TRAK2: variants seen among roughly 807,000 people sequenced by gnomAD.
The protein encoded by TRAK2 is trafficking kinesin-binding protein 2.
TRAK2 carries 81 observed loss-of-function variants against 104.6 expected under a neutral mutation model. The ratio of observed to expected loss-of-function variants is 0.77; its 90% confidence interval spans 0.65 to 0.93. The LOEUF (loss-of-function observed/expected upper bound fraction) is 0.93. Among genes scored for constraint, TRAK2 ranks in the 40% least tolerant of loss-of-function variants. The pLI, the probability that TRAK2 is intolerant of heterozygous loss-of-function variation, is 0.00. For missense variants in TRAK2, 1,002 were observed against 1,089.0 expected, an observed-to-expected ratio of 0.92 and a Z score of 1.12; for synonymous variants, 406 against 394.4, an observed-to-expected ratio of 1.03 and a Z score of -0.35.
chr2:201,431,216 C>G (rs1043675991), intron 1 of TRAK2, among the ~76,000 whole-genome samples: 2 of 152,228 alleles, frequency 1.3e-5, no homozygotes, highest in Non-Finnish European at 2.9e-5. Context: ...ACAAAAAAGT[C>G]TTAACTATAC....
chr2:201,423,797 G>T (rs1226443981), intron 1 of TRAK2, among the ~76,000 whole-genome samples: 1 of 151,846 alleles, frequency 6.6e-6, no homozygotes, highest in African/African-American at 2.4e-5. Context: ...AAGTGATAGG[G>T]AAATTCTTAG....
At chr2:201,402,670 TAC>T (rs1951559458) in intron 3 of TRAK2, among the ~76,000 whole-genome samples, 1 of 152,134 alleles carries the variant, frequency 6.6e-6, no homozygotes, top group Non-Finnish European at 1.5e-5. Flanking sequence ...GGCAAATACT[TAC>T]AGTGAATGGT....
chr2:201,414,933 TG>T (rs1951679325), intron 2 of TRAK2, among the ~76,000 whole-genome samples: 1 of 145,294 alleles, frequency 6.9e-6, no homozygotes, highest in Non-Finnish European at 1.5e-5. Context: ...ACTTCCAAAA[TG>T]TAATATTAAA....
At chr2:201,414,356 A>G (rs1951674048) in intron 2 of TRAK2, among the ~76,000 whole-genome samples, 2 of 152,190 alleles carry the variant, frequency 1.3e-5, no homozygotes, top group South Asian at 4.1e-4. Context: ...TGTCATATCA[A>G]CCCTCTCACT....
At chr2:201,413,394 A>T in intron 2 of TRAK2, 1 of 573,260 alleles carries the variant, frequency 1.7e-6, no homozygotes, top group Non-Finnish European at 3.0e-6. Flanking sequence ...CACCCCCCTA[A>T]ACACAGGCTG....
Position 201,420,597 on chromosome 2 carries a change from G to A in TRAK2, c.-90C>T, listed in dbSNP as rs1420013710. ...CATCAAGCCATTCAATAATGAAATG[G>A]ATTTGGTCACATGGATATTTTCTTT... On this transcript the variant is annotated 5_prime_UTR_variant, in exon 2 of 16. Coordinates refer to ENST00000332624, the MANE Select transcript of TRAK2 (RefSeq NM_015049.3). The A allele has an allele frequency of 9.2e-7, 1 of 1,089,100 alleles. No homozygotes were observed. 67.5% of individuals were successfully genotyped at this position (1,089,100 alleles called of 1,614,324 possible). A position where few individuals can be genotyped will look rare whatever the true frequency, so the allele number is the denominator to read the frequency against.
At chr2:201,410,867 G>A in intron 2 of TRAK2, 2 of 1,588,724 alleles carry the variant, frequency 1.3e-6, no homozygotes, top group South Asian at 1.1e-5. Context: ...CCAGCAGGAG[G>A]AACATTCAAA....
intron 1 of TRAK2, among the ~76,000 whole-genome samples, chr2:201,423,037 C>CCACCA (rs776613893): frequency 4.8e-4 from 65 of 134,222 alleles, no homozygotes; most frequent in African/African-American, 1.4e-3. Context: ...AACACCACCA[C>CCACCA]CACACACACA....
At chr2:201,406,708 CACA>C (rs1194458093) in intron 3 of TRAK2, among the ~76,000 whole-genome samples, 30 of 152,234 alleles carry the variant, frequency 2.0e-4, no homozygotes, top group Non-Finnish European at 1.5e-5. Flanking sequence ...CTACTGTGCA[CACA>C]ACATTTTTTA....
At chr2:201,408,678 T>C (rs957868406) in intron 2 of TRAK2, among the ~76,000 whole-genome samples, 7 of 152,240 alleles carry the variant, frequency 4.6e-5, no homozygotes, top group African/African-American at 1.4e-4. Flanking sequence ...ATTGGATATA[T>C]ACTTTTTAAA....
chr2:201,397,205 T>C (rs560067430), intron 7 of TRAK2, among the ~76,000 whole-genome samples: 1 of 152,346 alleles, frequency 6.6e-6, no homozygotes, highest in South Asian at 2.1e-4. Flanking sequence ...TACAGGACTA[T>C]TTCCTCATCA....
In TRAK2 at chr2:201,387,949, T is replaced by C; in HGVS notation, c.1450A>G (p.Thr484Ala). The C allele has an allele frequency of 6.2e-7, 1 of 1,614,176 alleles. No homozygotes were observed. The highest frequency in any genetic ancestry group is 8.5e-7 in the Non-Finnish European group (1 of 1,180,022). ...PGPSGDSDLA[T>A]ALHRLSLRRQ... Reference sequence around the variant, plus strand: ...CGCAAGCTAAGGCGATGCAGTGCTGTAGCCAAATCACTATCTCCTGAGGGT... The same window carrying C: ...CGCAAGCTAAGGCGATGCAGTGCTGCAGCCAAATCACTATCTCCTGAGGGT... The change falls in exon 13 of 16, where the codon ACA (threonine) becomes GCA (alanine). Residue 484 changes from threonine (T) to alanine (A), a missense_variant. Physicochemically the swap from Thr to Ala is moderately conservative, Grantham distance 58. Transcript: ENST00000332624.
chr2:201,402,924 T>G (rs1280932056), intron 3 of TRAK2, among the ~76,000 whole-genome samples: 1 of 152,198 alleles, frequency 6.6e-6, no homozygotes, highest in East Asian at 1.9e-4. Flanking sequence ...ACCACCAATC[T>G]GGGGTTAACA....
chr2:201,433,469 G>A (rs1445350532), intron 1 of TRAK2: 3 of 152,194 alleles, frequency 2.0e-5, no homozygotes, highest in African/African-American at 7.2e-5. Context: ...CTTACAAACA[G>A]GCTGAATTCC....
intron 1 of TRAK2, among the ~76,000 whole-genome samples, chr2:201,441,321 A>G (rs980448719): frequency 3.9e-5 from 6 of 152,260 alleles, no homozygotes; most frequent in Non-Finnish European, 8.8e-5. Flanking sequence ...AAAACTCAAC[A>G]TTCATTTGGC....
At position 201,401,033 on chromosome 2, in the gene TRAK2, T is replaced by A; in HGVS notation, c.348A>T (p.Thr116=). ...TKTYNDIDMV[T]HLLAERDRDL... Reference sequence around the variant, plus strand: ...ATATTCCTACCTCTGCCAGGAGATGTGTAACCATGTCGATGTCATTGTAAG... The same window carrying A: ...ATATTCCTACCTCTGCCAGGAGATGAGTAACCATGTCGATGTCATTGTAAG... Residue 116 remains threonine (T), a synonymous_variant, in exon 4 of 16, where the codon ACA becomes ACT. Transcript: ENST00000332624. 6.2e-7 allele frequency: 1 copy of A among 1,611,502 alleles called. No homozygotes were observed. Among genetic ancestry groups the A allele is most frequent in the African/African-American group, 1.3e-5 (1 of 74,940 alleles).
chr2:201,418,739 C>G lies in TRAK2; in HGVS notation c.91+1678G>C, dbSNP rs138868214. 2.3e-3 allele frequency among the ~76,000 whole-genome samples: 349 copies of G among 152,170 alleles called. 1 individual carries two copies. The highest frequency in any genetic ancestry group is 7.9e-3 in the African/African-American group (328 of 41,512). ...AAAGCAAAAAACAAAAACTTGGACC[C>G]AAACCTAATTCCATGCTCAAAAAAG... On this transcript the variant is annotated intron_variant, in intron 2 of 15. Coordinates refer to ENST00000332624, the MANE Select transcript of TRAK2 (RefSeq NM_015049.3).
At chr2:201,443,375 G>C (rs1330073653) in intron 1 of TRAK2, among the ~76,000 whole-genome samples, 1 of 152,148 alleles carries the variant, frequency 6.6e-6, no homozygotes, top group Non-Finnish European at 1.5e-5. Flanking sequence ...CCTGGAGAGA[G>C]AGAGATCTTA....
chr2:201,420,336 T>C, intron 2 of TRAK2, 81 bp downstream of exon 2: 1 of 1,164,696 alleles, frequency 8.6e-7, no homozygotes, highest in Non-Finnish European at 1.3e-6. Context: ...TTCATCATGA[T>C]AGGTCATATA....
Sources: allele counts gnomAD v4.1 joint callset (sites outside exome capture counted in the v4.1 genomes callset), GRCh38; gene constraint gnomAD v4.1.1; transcripts MANE v1.5; gene names NCBI Gene and HGNC (gene_info 2026-07-23, HGNC 2026-07-21).